The following NPEPPS variants were observed in gnomAD, a reference collection of about 807,000 sequenced individuals.
The protein encoded by NPEPPS is puromycin-sensitive aminopeptidase.
NPEPPS carries 14 observed loss-of-function variants against 115.5 expected under a neutral mutation model. The ratio of observed to expected loss-of-function variants is 0.12; its 90% CI spans 0.08 to 0.19. NPEPPS has a LOEUF of 0.19. NPEPPS is among the 10% of genes least tolerant of loss of function. The pLI, the probability that NPEPPS is intolerant of heterozygous loss-of-function variation, is 1.00. For missense variants in NPEPPS, 523 were observed against 1,110.8 expected, an observed-to-expected ratio of 0.47 and a Z score of 7.52; for synonymous variants, 285 against 390.6, an observed-to-expected ratio of 0.73 and a Z score of 3.19.
intron 1 of NPEPPS, among the ~76,000 whole-genome samples, chr17:47,543,361 C>G (rs1278454020): frequency 6.6e-6 from 1 of 151,348 alleles, no homozygotes; most frequent in African/African-American, 2.4e-5. Context: ...TCTTGTTGCC[C>G]AGGCTGGAGT....
intron 2 of NPEPPS, among the ~76,000 whole-genome samples, chr17:47,559,913 C>T (rs1910318327): frequency 6.6e-6 from 1 of 152,092 alleles, no homozygotes; most frequent in Non-Finnish European, 1.5e-5. Flanking sequence ...CCACAAAGCC[C>T]CCAGTGTTGA....
intron 1 of NPEPPS, among the ~76,000 whole-genome samples, chr17:47,544,547 T>G (rs1198461020): frequency 7.2e-6 from 1 of 138,914 alleles, no homozygotes; most frequent in East Asian, 2.1e-4. Flanking sequence ...TTTATTTATT[T>G]ATTTTGAGAT....
intron 8 of NPEPPS, chr17:47,586,960 C>G (rs949574823): frequency 5.0e-6 from 2 of 400,232 alleles, no homozygotes; most frequent in South Asian, 2.3e-5. Flanking sequence ...TCGCTAATCC[C>G]TTAGACAATG....
intron 1 of NPEPPS, among the ~76,000 whole-genome samples, chr17:47,536,567 C>T (rs1372843101): frequency 1.3e-5 from 2 of 149,572 alleles, no homozygotes; most frequent in Admixed American, 6.7e-5. Flanking sequence ...CTAATTTTTT[C>T]TGTTTTTAGT....
intron 12 of NPEPPS, 23 bp from the exon 13 acceptor site, chr17:47,596,330 G>C (rs1477399173): frequency 7.4e-7 from 1 of 1,349,948 alleles, no homozygotes; most frequent in Non-Finnish European, 1.0e-6. Context: ...AAACATTTTA[G>C]ATTATCATTG....
At chr17:47,592,363 T>C (rs2143875992) in intron 11 of NPEPPS, 122 bp from the exon 12 acceptor site, 2 of 794,902 alleles carry the variant, frequency 2.5e-6, no homozygotes, top group East Asian at 5.4e-5. Context: ...GAAGGATATA[T>C]GTGTTTCAGT....
At chr17:47,599,979 C>T (rs1008278886) in intron 14 of NPEPPS, among the ~76,000 whole-genome samples, 2 of 151,856 alleles carry the variant, frequency 1.3e-5, no homozygotes, top group African/African-American at 4.8e-5. Flanking sequence ...CCACCATGCT[C>T]GGCTAATTTT....
At chr17:47,596,540 T>A in intron 13 of NPEPPS, 78 bp downstream of exon 13, 2 of 882,400 alleles carry the variant, frequency 2.3e-6, no homozygotes, top group African/African-American at 1.7e-5. Context: ...TTTGCTTTTC[T>A]GTACTTTAAG....
rs10646632 is a variant in NPEPPS at position 47,575,580 on chromosome 17, AATTATTATT to A, written c.419-3779_419-3771del. On this transcript the variant is annotated intron_variant, in intron 3 of 22. Coordinates refer to ENST00000322157, the MANE Select transcript of NPEPPS (RefSeq NM_006310.4). ...TTATCTTGCAGGTGTGACAATATTGAATTATTATTATTATTATTATTATTATTATTATTA... is the reference window on the plus strand; with the variant it reads ...TTATCTTGCAGGTGTGACAATATTGAATTATTATTATTATTATTATTATTA... Among the ~76,000 whole-genome samples, 1,298 of 144,070 alleles carry A rather than the reference AATTATTATT, an allele frequency of 9.0e-3. 19 individuals carry two copies. Among genetic ancestry groups the A allele is most frequent in the African/African-American group, 0.031 (1,203 of 38,948 alleles). 94.5% of individuals were successfully genotyped at this position (144,070 alleles called of 152,430 possible). A position where few individuals can be genotyped will look rare whatever the true frequency, so the allele number is the denominator to read the frequency against.
intron 13 of NPEPPS, among the ~76,000 whole-genome samples, chr17:47,597,129 A>G (rs1567864088): frequency 6.6e-6 from 1 of 152,072 alleles, no homozygotes; most frequent in Non-Finnish European, 1.5e-5. Flanking sequence ...ATCACTGACT[A>G]GATGTAGAAA....
intron 1 of NPEPPS, among the ~76,000 whole-genome samples, chr17:47,543,193 G>A (rs1363781251): frequency 6.6e-6 from 1 of 150,578 alleles, no homozygotes; most frequent in East Asian, 1.9e-4. Context: ...TAAACAAGCA[G>A]TTCACAGTGG....
chr17:47,540,508 A>G (rs1196190869), intron 1 of NPEPPS, among the ~76,000 whole-genome samples: 2 of 152,232 alleles, frequency 1.3e-5, no homozygotes, highest in Non-Finnish European at 2.9e-5. Context: ...CAGCATCACA[A>G]TGAGCAGTGT....
chr17:47,548,474 A>G (rs567448398), intron 2 of NPEPPS: 8 of 152,134 alleles, frequency 5.3e-5, no homozygotes, highest in African/African-American at 1.7e-4. Flanking sequence ...GTATGTAGAT[A>G]GGTAGATCTA....
At chr17:47,548,713 A>T (rs1278891872) in intron 2 of NPEPPS, among the ~76,000 whole-genome samples, 3 of 146,256 alleles carry the variant, frequency 2.1e-5, no homozygotes, top group African/African-American at 7.7e-5. Context: ...AGTAGCTGGG[A>T]TTACAGGCGT....
At chr17:47,589,637 T>C (rs1425882527) in intron 9 of NPEPPS, among the ~76,000 whole-genome samples, 1 of 152,222 alleles carries the variant, frequency 6.6e-6, no homozygotes, top group Non-Finnish European at 1.5e-5. Flanking sequence ...TTTTTTAAAA[T>C]TGATTTTATC....
intron 15 of NPEPPS, chr17:47,603,694 C>T (rs1913360549): frequency 4.8e-6 from 2 of 414,572 alleles, no homozygotes; most frequent in African/African-American, 2.0e-5. Flanking sequence ...TTCTACTGTC[C>T]CTCACTTTGG....
At chr17:47,616,753 C>T (rs1173431590) in intron 19 of NPEPPS, among the ~76,000 whole-genome samples, 1 of 147,942 alleles carries the variant, frequency 6.8e-6, no homozygotes, top group Non-Finnish European at 1.5e-5. Context: ...CCATTGCACT[C>T]CAGCATGGGC....
At chr17:47,532,918 G>A (rs1907928276) in intron 1 of NPEPPS, among the ~76,000 whole-genome samples, 1 of 152,154 alleles carries the variant, frequency 6.6e-6, no homozygotes, top group African/African-American at 2.4e-5. Flanking sequence ...ATAGTTATCT[G>A]TAAATAGAAT....
chr17:47,548,511 G>T (rs536348942), intron 2 of NPEPPS, among the ~76,000 whole-genome samples: 1 of 151,906 alleles, frequency 6.6e-6, no homozygotes, highest in African/African-American at 2.4e-5. Flanking sequence ...CCTTCCAGCT[G>T]GCATGGTTTC....
Sources: allele counts gnomAD v4.1 joint callset (sites outside exome capture counted in the v4.1 genomes callset), GRCh38; gene constraint gnomAD v4.1.1; transcripts MANE v1.5; gene names NCBI Gene and HGNC (gene_info 2026-07-23, HGNC 2026-07-21).